The following GABBR2 variants were observed in gnomAD, a reference collection of about 807,000 sequenced individuals.
GABBR2 encodes the protein G-protein coupled receptor 51.
Under a neutral mutation model 105.6 loss-of-function variants are expected in GABBR2, and 23 were observed. The ratio of observed to expected loss-of-function variants is 0.22; its 90% CI spans 0.16 to 0.31. The LOEUF (loss-of-function observed/expected upper bound fraction) is 0.31, where lower values mean the gene tolerates loss of function less well. Among genes scored for constraint, GABBR2 ranks in the 10% least tolerant of loss-of-function variants. The probability of loss-of-function intolerance (pLI) is 1.00; values close to 1 mark genes in which losing one functional copy is unlikely to be tolerated. For synonymous variants in GABBR2, 478 were observed against 499.7 expected (o/e 0.96, Z 0.58); for missense variants, 734 against 1,245.5 (o/e 0.59, Z 6.18).
At chr9:98,632,790 C>T (rs1330403365) in intron 1 of GABBR2, among the ~76,000 whole-genome samples, 1 of 152,172 alleles carries the variant, frequency 6.6e-6, no homozygotes, top group Non-Finnish European at 1.5e-5. Flanking sequence ...CCACAAAATC[C>T]TTGAGCATGA....
At chr9:98,411,024 C>T (rs1194195859) in intron 7 of GABBR2, among the ~76,000 whole-genome samples, 6 of 152,096 alleles carry the variant, frequency 3.9e-5, no homozygotes, top group Non-Finnish European at 8.8e-5. Flanking sequence ...TGTGTTTTCT[C>T]CACTGGATGG....
rs1347946190 is a variant in GABBR2 at position 98,290,262 on chromosome 9, T to TG, written c.*321_*322insC. ...TTCTAGTGCCTCTCTCCTTGTCTAG[T>TG]TTTTTTGTTTTTTTTTTTTTTTTTT... On this transcript the variant is annotated 3_prime_UTR_variant, in exon 19 of 19. Coordinates refer to ENST00000259455, the MANE Select transcript of GABBR2 (RefSeq NM_005458.8). The TG allele has an allele frequency of 8.5e-6, 1 of 118,032 alleles. No individual in the cohort carries two copies. Among genetic ancestry groups the TG allele is most frequent in the Non-Finnish European group, 1.4e-5 (1 of 70,426 alleles). 7.3% of individuals were successfully genotyped at this position (118,032 alleles called of 1,614,324 possible).
intron 3 of GABBR2, among the ~76,000 whole-genome samples, chr9:98,510,324 T>C (rs978591611): frequency 6.6e-6 from 1 of 152,092 alleles, no homozygotes; most frequent in African/African-American, 2.4e-5. Flanking sequence ...ACATGCCAAA[T>C]TGTAAAGACC....
intron 2 of GABBR2, among the ~76,000 whole-genome samples, chr9:98,565,365 T>C (rs1173728777): frequency 1.3e-5 from 2 of 152,210 alleles, no homozygotes; most frequent in Non-Finnish European, 2.9e-5. Flanking sequence ...CCAGGCCTTA[T>C]GAGCCCAGGG....
intron 1 of GABBR2, among the ~76,000 whole-genome samples, chr9:98,623,087 T>C (rs1009421586): frequency 6.6e-6 from 1 of 152,212 alleles, no homozygotes; most frequent in Non-Finnish European, 1.5e-5. Context: ...TTTCCTCTCA[T>C]TTTTGTTGTG....
rs568256004 is a variant in GABBR2 at position 98,454,146 on chromosome 9, G to A, written c.1071C>T (p.Tyr357=). Residue 357 remains tyrosine, a synonymous_variant, in exon 7 of 19, where the codon TAC becomes TAT. Transcript: ENST00000259455. This position sits in a 1 kb window ranked among gnomAD's most constrained non-coding sequence, Gnocchi z 4.6. The part of the protein sequence containing the change: ...SGVGPSKFHG[Y]AYDGIWVIAK... ...CGATGACCCAGATGCCATCGTAGGC[G>A]TACCCGTGGAACTTGCTGGGCCCCA... is the stretch of plus-strand genomic sequence containing the variant. The A allele has an allele frequency of 5.5e-5, 89 of 1,613,986 alleles. No individual in the cohort carries two copies. Among genetic ancestry groups the A allele is most frequent in the Admixed American group, 2.0e-4 (12 of 59,998 alleles).
At chr9:98,496,336 C>G (rs925628115) in intron 4 of GABBR2, 77 bp downstream of exon 4, 1 of 915,554 alleles carries the variant, frequency 1.1e-6, no homozygotes, top group Middle Eastern at 2.2e-4. Context: ...ACTTGAGGCT[C>G]TTTCATAGTC....
rs534633331 is a variant in GABBR2 at position 98,418,310 on chromosome 9, G to C, written c.1237-12169C>G. On this transcript the variant is annotated intron_variant, in intron 7 of 18. Transcript: ENST00000259455. ...TCCCAGCATTTTGGGAGGCCAAGTGGGAGATTGCTTGAGCCTGGAGTTCAA... is the reference window on the plus strand; with the variant it reads ...TCCCAGCATTTTGGGAGGCCAAGTGCGAGATTGCTTGAGCCTGGAGTTCAA... 3.3e-5 allele frequency among the ~76,000 whole-genome samples: 5 copies of C among 152,144 alleles called. No individual in the cohort carries two copies. The East Asian group carries it at 9.7e-4, about 29-fold the overall frequency.
chr9:98,569,307 G>A (rs1311237584), intron 2 of GABBR2, among the ~76,000 whole-genome samples: 3 of 152,162 alleles, frequency 2.0e-5, no homozygotes, highest in Non-Finnish European at 4.4e-5. Flanking sequence ...GACTGTTGGG[G>A]GCTGAGAGGC....
intron 1 of GABBR2, among the ~76,000 whole-genome samples, chr9:98,645,733 C>T (rs1830021640): frequency 1.3e-5 from 2 of 152,164 alleles, no homozygotes; most frequent in Admixed American, 6.5e-5. Flanking sequence ...CTACTGCAGC[C>T]AAGCATGTAT....
rs112557451 is a variant in GABBR2 at position 98,412,304 on chromosome 9, A to T, written c.1237-6163T>A. 3.1e-3 allele frequency among the ~76,000 whole-genome samples: 476 copies of T among 152,384 alleles called. 4 individuals carry two copies. The highest frequency in any genetic ancestry group is 0.011 in the African/African-American group (460 of 41,596). On this transcript the variant is annotated intron_variant, in intron 7 of 18. Coordinates refer to ENST00000259455, the MANE Select transcript of GABBR2 (RefSeq NM_005458.8). ...TGGAGCCCTGGGCCTACTGAGGGAC[A>T]GTCTCTGCAGATCACAGTGTACTTA...
intron 1 of GABBR2, among the ~76,000 whole-genome samples, chr9:98,643,927 C>A (rs1829999372): frequency 6.6e-6 from 1 of 152,226 alleles, no homozygotes; most frequent in Non-Finnish European, 1.5e-5. Context: ...GTCCTGGTGA[C>A]ACTGCCTAAG....
At chr9:98,688,433 A>T (rs1445088466) in intron 1 of GABBR2, among the ~76,000 whole-genome samples, 1 of 151,686 alleles carries the variant, frequency 6.6e-6, no homozygotes, top group Non-Finnish European at 1.5e-5. Context: ...CAAAGAACAG[A>T]GTCCCATGGA....
chr9:98,376,594 A>C (rs1361385359), intron 11 of GABBR2, among the ~76,000 whole-genome samples: 1 of 152,182 alleles, frequency 6.6e-6, no homozygotes, highest in East Asian at 1.9e-4. Context: ...GGAAGCTGAG[A>C]GGCCTGAGGT....
intron 1 of GABBR2, chr9:98,707,182 G>A (rs557507706): frequency 6.6e-6 from 1 of 152,332 alleles, no homozygotes; most frequent in East Asian, 1.9e-4. Context: ...CAAGGAGGAG[G>A]GGAAGCCCAG....
chr9:98,500,616 G>A (rs896262804), intron 3 of GABBR2, among the ~76,000 whole-genome samples: 4 of 152,232 alleles, frequency 2.6e-5, no homozygotes, highest in African/African-American at 9.6e-5. Context: ...AATCCACAAG[G>A]AGCCGAAGAC....
intron 3 of GABBR2, among the ~76,000 whole-genome samples, chr9:98,518,068 G>A (rs1827794091): frequency 6.6e-6 from 1 of 152,180 alleles, no homozygotes; most frequent in African/African-American, 2.4e-5. Flanking sequence ...AAGAGTTCCG[G>A]GTATTTTTTA....
At chr9:98,552,564 CA>C (rs933759824) in intron 2 of GABBR2, among the ~76,000 whole-genome samples, 6 of 152,140 alleles carry the variant, frequency 3.9e-5, no homozygotes, top group Admixed American at 1.3e-4. Flanking sequence ...ACTGTTTGGA[CA>C]AAAAGTGCCT....
rs1480319875 is a variant in GABBR2 at position 98,288,270 on chromosome 9, G to C, written c.*2314C>G. 6.6e-6 allele frequency: 1 copy of C among 152,612 alleles called. No individual in the cohort carries two copies. Among genetic ancestry groups the C allele is most frequent in the Non-Finnish European group, 1.5e-5 (1 of 68,036 alleles). The allele number at this position is 152,612 out of a possible 1,614,324, so 9.5% of individuals were successfully genotyped here. A position where few individuals can be genotyped will look rare whatever the true frequency, so the allele number is the denominator to read the frequency against. On this transcript the variant is annotated 3_prime_UTR_variant, in exon 19 of 19. Transcript: ENST00000259455. ...ATGCCTTCAGGCCGAAGCCTCTTCA[G>C]AAATGGACGGTGTGTTTGCTGCATA...
Sources: allele counts gnomAD v4.1 joint callset (sites outside exome capture counted in the v4.1 genomes callset), GRCh38; gene constraint gnomAD v4.1.1; non-coding constraint Gnocchi (gnomAD v3.1); transcripts MANE v1.5; gene names NCBI Gene and HGNC (gene_info 2026-07-23, HGNC 2026-07-21).